PDE11A: variants seen among roughly 807,000 people sequenced by gnomAD.
PDE11A encodes dual 3',5'-cyclic-AMP and -GMP phosphodiesterase 11A.
A neutral mutation model predicts 100.5 loss-of-function variants in PDE11A; 100 were observed. That is an observed-to-expected ratio of 1.00 (90% CI 0.85 to 1.18). The LOEUF is 1.18. Ranked by LOEUF, PDE11A falls within the 50% of genes most tolerant of loss-of-function variation. PDE11A has a pLI of 0.00. For synonymous variants in PDE11A, 381 were observed against 420.8 expected (o/e 0.91, Z 1.16); for missense variants, 1,141 against 1,152.6 (o/e 0.99, Z 0.15).
intron 2 of PDE11A, among the ~76,000 whole-genome samples, chr2:177,933,068 C>CACACACA (rs2085227642): frequency 6.8e-6 from 1 of 146,898 alleles, no homozygotes; most frequent in Non-Finnish European, 1.5e-5. Context: ...TTTACAATAG[C>CACACACA]CACACACACA....
rs568248424 is a variant in PDE11A, at chr2:177,965,393, C to T, written c.1071+48909G>A. Among the ~76,000 whole-genome samples, 4 of 151,868 alleles carry T rather than the reference C, an allele frequency of 2.6e-5. No individual in the cohort carries two copies. The East Asian group carries it at 5.8e-4, about 22-fold the overall frequency. On this transcript the variant is annotated intron_variant, in intron 2 of 19. Transcript: ENST00000286063. ...ATTAGTTCCCATTTGTCAATTTTTC[C>T]GTTGCAATTGCTTTTGGAGTCTTGG...
At chr2:177,693,830 C>CA (rs917991007) in intron 15 of PDE11A, among the ~76,000 whole-genome samples, 3 of 152,048 alleles carry the variant, frequency 2.0e-5, no homozygotes, top group African/African-American at 4.8e-5. Context: ...GCCTGATCAG[C>CA]AAAAAAGGAG....
chr2:178,006,874 CA>C (rs1460338993), intron 2 of PDE11A, among the ~76,000 whole-genome samples: 1 of 151,834 alleles, frequency 6.6e-6, no homozygotes, highest in African/African-American at 2.4e-5. Context: ...GAATTCCAAA[CA>C]TACCTGTTTC....
rs1559117323 is a variant in PDE11A, at chr2:177,631,538, TATATATATAC to T, written c.2647-1986_2647-1977del. On this transcript the variant is annotated intron_variant, in intron 19 of 19. Coordinates refer to ENST00000286063, the MANE Select transcript of PDE11A (RefSeq NM_016953.4). Reference sequence around the variant, plus strand: ...ATATATATATATATATATATATATATATATATATACACATGTATATATATATATATACATG... The same window carrying T: ...ATATATATATATATATATATATATATACATGTATATATATATATATACATG... Among the ~76,000 whole-genome samples, 78 of 20,502 alleles carry T rather than the reference TATATATATAC, an allele frequency of 3.8e-3. 2 individuals are homozygous for T. Among genetic ancestry groups the T allele is most frequent in the African/African-American group, 0.011 (74 of 6,644 alleles). The allele number at this position is 20,502 out of a possible 152,430, so 13.5% of individuals were successfully genotyped here.
intron 2 of PDE11A, among the ~76,000 whole-genome samples, chr2:177,957,918 T>TTTTTTTTTTTTTTTTTTTTAA (rs71010841): frequency 6.7e-6 from 1 of 148,184 alleles, no homozygotes; most frequent in Admixed American, 6.7e-5. Context: ...GCCTTTTTTT[T>TTTTTTTTTTTTTTTTTTTTAA]GAGACGGAGT....
chr2:178,095,956 G>A (rs1187521928), intron 2 of PDE11A, among the ~76,000 whole-genome samples: 1 of 152,134 alleles, frequency 6.6e-6, no homozygotes, highest in Non-Finnish European at 1.5e-5. Context: ...CAGCAGTGGG[G>A]CCCTGGGCTT....
At chr2:177,934,946 C>A (rs1044818025) in intron 2 of PDE11A, among the ~76,000 whole-genome samples, 1 of 152,038 alleles carries the variant, frequency 6.6e-6, no homozygotes, top group African/African-American at 2.4e-5. Context: ...CAACAACAGA[C>A]GCTAGAGATT....
intron 5 of PDE11A, among the ~76,000 whole-genome samples, chr2:177,870,181 T>C (rs2084106150): frequency 6.6e-6 from 1 of 152,158 alleles, no homozygotes; most frequent in Admixed American, 6.6e-5. Flanking sequence ...TTCTTGAGAG[T>C]TTCTTCCTTC....
intron 2 of PDE11A, among the ~76,000 whole-genome samples, chr2:178,084,992 T>C (rs1281079073): frequency 6.6e-6 from 1 of 152,194 alleles, no homozygotes; most frequent in Non-Finnish European, 1.5e-5. Context: ...ACTTTCCTTA[T>C]GCCACACAAG....
intron 1 of PDE11A, among the ~76,000 whole-genome samples, chr2:178,106,538 A>G (rs1290332655): frequency 1.3e-5 from 2 of 152,228 alleles, no homozygotes; most frequent in African/African-American, 4.8e-5. Context: ...ATAAAACTTC[A>G]CTCACAAAAG....
At chr2:177,848,674 T>A (rs986594810) in intron 5 of PDE11A, among the ~76,000 whole-genome samples, 4 of 152,130 alleles carry the variant, frequency 2.6e-5, no homozygotes, top group African/African-American at 9.7e-5. Flanking sequence ...AACACGTAAT[T>A]CCTGAAATGT....
At chr2:178,092,743 G>T (rs1332002423) in intron 2 of PDE11A, among the ~76,000 whole-genome samples, 2 of 152,190 alleles carry the variant, frequency 1.3e-5, no homozygotes, top group East Asian at 3.9e-4. Flanking sequence ...TGGGATTACA[G>T]GCATGCACCA....
Position 177,840,384 on chromosome 2 carries a change from C to T in PDE11A, c.1368-1G>A. The T allele has an allele frequency of 6.2e-7, 1 of 1,613,698 alleles. No homozygotes were observed. Among genetic ancestry groups the T allele is most frequent in the Non-Finnish European group, 8.5e-7 (1 of 1,179,650 alleles). ...TGATTTCTCCATGCTTTCTTTGAAACTATCAGAGCACCAAGGTAGGCAGGA... is the reference window on the plus strand; with the variant it reads ...TGATTTCTCCATGCTTTCTTTGAAATTATCAGAGCACCAAGGTAGGCAGGA... On this transcript the variant is annotated splice_acceptor_variant, in intron 5 of 19. Coordinates refer to ENST00000286063, the MANE Select transcript of PDE11A (RefSeq NM_016953.4). LOFTEE classifies it high-confidence loss of function.
intron 1 of PDE11A, among the ~76,000 whole-genome samples, chr2:178,016,131 A>ATTTTTTTTTTTTTTTTTTT (rs55638601): frequency 1.2e-4 from 10 of 83,744 alleles, no homozygotes; most frequent in Non-Finnish European, 1.1e-4. Flanking sequence ...TGCCTGGCTA[A>ATTTTTTTTTTTTTTTTTTT]TTTTTTTTTT....
intron 2 of PDE11A, among the ~76,000 whole-genome samples, chr2:178,099,769 C>T (rs2087539340): frequency 6.6e-6 from 1 of 151,980 alleles, no homozygotes; most frequent in Admixed American, 6.6e-5. Context: ...GGGTATATAC[C>T]CAAAAGAATG....
chr2:178,035,418 T>G (rs193067359), intron 1 of PDE11A, among the ~76,000 whole-genome samples: 15 of 152,312 alleles, frequency 9.8e-5, no homozygotes, highest in African/African-American at 3.6e-4. Context: ...CAGGACCAGA[T>G]GGCTTCACAG....
chr2:177,826,310 G>A (rs1463427635), intron 6 of PDE11A, among the ~76,000 whole-genome samples: 1 of 152,134 alleles, frequency 6.6e-6, no homozygotes, highest in African/African-American at 2.4e-5. Context: ...GTGGTCAAAG[G>A]AAATGTTAAA....
intron 13 of PDE11A, among the ~76,000 whole-genome samples, chr2:177,706,837 T>C (rs1000444974): frequency 6.6e-6 from 1 of 152,316 alleles, no homozygotes; most frequent in African/African-American, 2.4e-5. Context: ...CTACCTCATA[T>C]GTGTGAATGT....
chr2:177,699,621 T>C (rs2081168478), intron 14 of PDE11A, among the ~76,000 whole-genome samples: 1 of 152,178 alleles, frequency 6.6e-6, no homozygotes, highest in Admixed American at 6.5e-5. Flanking sequence ...GTGAGTGTGG[T>C]GTTAATGGAA....
Sources: gnomAD v4.1 joint callset for allele counts (sites outside exome capture counted in the v4.1 genomes callset) on GRCh38, gnomAD v4.1.1 for gene constraint, MANE v1.5 for transcripts, NCBI Gene and HGNC (gene_info 2026-07-23, HGNC 2026-07-21) for gene names.